Variants in TNF observed in about 807,000 individuals in gnomAD.
TNF encodes tumor necrosis factor.
In TNF, 7 loss-of-function variants were observed where a neutral mutation model predicts 21.8. The ratio of observed to expected loss-of-function variants is 0.32; its 90% confidence interval spans 0.18 to 0.60. The LOEUF is 0.60. TNF is among the 20% of genes least tolerant of loss of function. The probability of loss-of-function intolerance (pLI) is 0.84; values close to 1 mark genes in which losing one functional copy is unlikely to be tolerated. For missense variants in TNF, 216 were observed against 296.6 expected, an observed-to-expected ratio of 0.73 and a Z score of 2.00; for synonymous variants, 123 against 130.2, an observed-to-expected ratio of 0.94 and a Z score of 0.38.
rs754639425 is a variant in TNF, at chr6:31,575,811, C to G, written c.70C>G (p.Pro24Ala). ...EEALPKKTGG[P>A]QGSRRCLFLS... is the part of the protein sequence containing the mutation. ...GGCGCTCCCCAAGAAGACAGGGGGGCCCCAGGGCTCCAGGCGGTGCTTGTT... is the reference window on the plus strand; with the variant it reads ...GGCGCTCCCCAAGAAGACAGGGGGGGCCCAGGGCTCCAGGCGGTGCTTGTT... Residue 24 changes from proline (P) to alanine (A), a missense_variant, in exon 1 of 4, where the codon CCC (proline) becomes GCC (alanine). Physicochemically the swap from Pro to Ala is conservative, Grantham distance 27. Coordinates refer to ENST00000449264, the MANE Select transcript of TNF (RefSeq NM_000594.4). This position sits in a 1 kb window ranked among gnomAD's most constrained non-coding sequence, Gnocchi z 6.2. 1.9e-6 allele frequency: 3 copies of G among 1,611,420 alleles called. No individual in the cohort carries two copies. Among genetic ancestry groups the G allele is most frequent in the South Asian group, 2.2e-5 (2 of 90,826 alleles).
intron 1 of TNF, 114 bp downstream of exon 1, chr6:31,576,041 G>C: frequency 8.8e-7 from 1 of 1,142,292 alleles, no homozygotes. Context: ...GGGATGGAGA[G>C]AAAAAAACGT....
In TNF at chr6:31,575,781, G is replaced by A. The variant is rs775506502; in HGVS notation, c.40G>A (p.Glu14Lys). 11 of 1,607,088 alleles carry A rather than the reference G, an allele frequency of 6.8e-6. No homozygotes were observed. Among genetic ancestry groups the A allele is most frequent in the South Asian group, 4.4e-5 (4 of 90,352 alleles). ...CATGATCCGGGACGTGGAGCTGGCCGAGGAGGCGCTCCCCAAGAAGACAGG... is the reference window on the plus strand; with the variant it reads ...CATGATCCGGGACGTGGAGCTGGCCAAGGAGGCGCTCCCCAAGAAGACAGG... ...ESMIRDVELAEEALPKKTGGP... is the reference protein window; with the variant it reads ...ESMIRDVELAKEALPKKTGGP... Residue 14 changes from glutamate (E) to lysine (K), a missense_variant, in exon 1 of 4, where the codon GAG (glutamate) becomes AAG (lysine). Physicochemically the swap from Glu to Lys is moderately conservative, Grantham distance 56. Coordinates refer to ENST00000449264, the MANE Select transcript of TNF (RefSeq NM_000594.4). This position sits in a 1 kb window ranked among gnomAD's most constrained non-coding sequence, Gnocchi z 6.2.
intron 3 of TNF, 58 bp downstream of exon 3, chr6:31,576,872 C>T: frequency 1.3e-6 from 2 of 1,588,200 alleles, no homozygotes; most frequent in African/African-American, 1.3e-5. Context: ...GGGATTGAAG[C>T]CCGGCTGATG....
In TNF at chr6:31,575,797, A is replaced by C. The variant is rs377338702; in HGVS notation, c.56A>C (p.Lys19Thr). 2 of 1,610,588 alleles carry C rather than the reference A, an allele frequency of 1.2e-6. No homozygotes were observed. Among genetic ancestry groups the C allele is most frequent in the African/African-American group, 1.3e-5 (1 of 74,658 alleles). The change falls in exon 1 of 4, where the codon AAG (lysine) becomes ACG (threonine). Residue 19 changes from lysine (K) to threonine (T), a missense_variant. Physicochemically the swap from Lys to Thr is moderately conservative, Grantham distance 78. This residue lies in a region of TNF where 118 missense variants were observed against 127.1 expected (regional missense o/e 0.93). Coordinates refer to ENST00000449264, the MANE Select transcript of TNF (RefSeq NM_000594.4). This position sits in a 1 kb window ranked among gnomAD's most constrained non-coding sequence, Gnocchi z 6.2. ...GAGCTGGCCGAGGAGGCGCTCCCCA[A>C]GAAGACAGGGGGGCCCCAGGGCTCC... ...DVELAEEALP[K>T]KTGGPQGSRR... is the part of the protein sequence containing the mutation.
At position 31,575,685 on chromosome 6, in the gene TNF, C is replaced by T. The variant is rs1562479547; in HGVS notation, c.-57C>T. On this transcript the variant is annotated 5_prime_UTR_variant, in exon 1 of 4. Coordinates refer to ENST00000449264, the MANE Select transcript of TNF (RefSeq NM_000594.4). This position sits in a 1 kb window ranked among gnomAD's most constrained non-coding sequence, Gnocchi z 6.2. ...CCCCTGACAAGCTGCCAGGCAGGTT[C>T]TCTTCCTCTCACATACTGACCCACG... 1 of 1,454,090 alleles carries T rather than the reference C, an allele frequency of 6.9e-7. No homozygotes were observed. The highest frequency in any genetic ancestry group is 1.4e-5 in the South Asian group (1 of 69,530). The allele number at this position is 1,454,090 out of a possible 1,614,324, so 90.1% of individuals were successfully genotyped here.
At position 31,575,628 on chromosome 6, in the gene TNF, C is replaced by A. The variant is rs1012980674; in HGVS notation, c.-114C>A. On this transcript the variant is annotated 5_prime_UTR_variant, in exon 1 of 4. Coordinates refer to ENST00000449264, the MANE Select transcript of TNF (RefSeq NM_000594.4). This position sits in a 1 kb window ranked among gnomAD's most constrained non-coding sequence, Gnocchi z 6.2. ...TAAGAGGGAGAGAAGCAACTACAGACCCCCCCTGAAAACAACCCTCAGACG... is the reference window on the plus strand; with the variant it reads ...TAAGAGGGAGAGAAGCAACTACAGAACCCCCCTGAAAACAACCCTCAGACG... 1.0e-6 allele frequency: 1 copy of A among 959,980 alleles called. No individual in the cohort carries two copies. The highest frequency in any genetic ancestry group is 1.5e-6 in the Non-Finnish European group (1 of 659,520). 59.5% of individuals were successfully genotyped at this position (959,980 alleles called of 1,614,324 possible). A position where few individuals can be genotyped will look rare whatever the true frequency, so the allele number is the denominator to read the frequency against.
chr6:31,576,807 T>C lies in TNF; in HGVS notation c.273T>C (p.His91=). 6.2e-7 allele frequency: 1 copy of C among 1,612,910 alleles called. No homozygotes were observed. Among genetic ancestry groups the C allele is most frequent in the Non-Finnish European group, 8.5e-7 (1 of 1,179,978 alleles). ...CCCCGAGTGACAAGCCTGTAGCCCA[T>C]GTTGTAGGTAAGAGCTCTGAGGATG... ...SRTPSDKPVA[H]VVANPQAEGQ... is the part of the protein sequence containing the mutation. The change falls in exon 3 of 4, where the codon CAT becomes CAC. Residue 91 remains histidine (H), a synonymous_variant. Transcript: ENST00000449264.
At position 31,576,524 on chromosome 6, in the gene TNF, T is replaced by G. The variant is rs1263923115; in HGVS notation, c.187-10T>G. 1 of 1,613,588 alleles carries G rather than the reference T, an allele frequency of 6.2e-7. No homozygotes were observed. The highest frequency in any genetic ancestry group is 8.5e-7 in the Non-Finnish European group (1 of 1,179,846). Reference sequence around the variant, plus strand: ...CCCTCGATGTTAACCATTCTCCTTCTCCCCAACAGTTCCCCAGGGACCTCT... The same window carrying G: ...CCCTCGATGTTAACCATTCTCCTTCGCCCCAACAGTTCCCCAGGGACCTCT... On this transcript the variant is annotated splice_polypyrimidine_tract_variant and intron_variant, in intron 1 of 3. Transcript: ENST00000449264.
rs1771228767 is a variant in TNF, at chr6:31,577,255, C to T, written c.420C>T (p.Phe140=). 1 of 1,613,188 alleles carries T rather than the reference C, an allele frequency of 6.2e-7. No homozygotes were observed. The highest frequency in any genetic ancestry group is 1.1e-5 in the South Asian group (1 of 91,086). The change falls in exon 4 of 4, where the codon TTC becomes TTT. Residue 140 remains phenylalanine (F), a synonymous_variant. Transcript: ENST00000449264. This position sits in a 1 kb window ranked among gnomAD's most constrained non-coding sequence, Gnocchi z 7.7. ...GLYLIYSQVL[F]KGQGCPSTHV... is the part of the protein sequence containing the mutation. ...ACCTCATCTACTCCCAGGTCCTCTT[C>T]AAGGGCCAAGGCTGCCCCTCCACCC...
rs1228642585 is a variant in TNF, at chr6:31,578,194, T to C, written c.*657T>C. 1 of 152,260 alleles carries C rather than the reference T, an allele frequency of 6.6e-6. No homozygotes were observed. Among genetic ancestry groups the C allele is most frequent in the African/African-American group, 2.4e-5 (1 of 41,466 alleles). The allele number at this position is 152,260 out of a possible 1,614,324, so 9.4% of individuals were successfully genotyped here. On this transcript the variant is annotated 3_prime_UTR_variant, in exon 4 of 4. Coordinates refer to ENST00000449264, the MANE Select transcript of TNF (RefSeq NM_000594.4). This position sits in a 1 kb window ranked among gnomAD's most constrained non-coding sequence, Gnocchi z 6.0. Reference sequence around the variant, plus strand: ...CTTCTTTTGATTATGTTTTTTAAAATATTTATCTGATTAAGTTGTCTAAAC... The same window carrying C: ...CTTCTTTTGATTATGTTTTTTAAAACATTTATCTGATTAAGTTGTCTAAAC...
chr6:31,577,592 A>G lies in TNF; in HGVS notation c.*55A>G. The G allele has an allele frequency of 6.2e-7, 1 of 1,601,108 alleles. No homozygotes were observed. The highest frequency in any genetic ancestry group is 8.5e-7 in the Non-Finnish European group (1 of 1,171,298). On this transcript the variant is annotated 3_prime_UTR_variant, in exon 4 of 4. Transcript: ENST00000449264. This position sits in a 1 kb window ranked among gnomAD's most constrained non-coding sequence, Gnocchi z 7.7. ...CCTCCCCTGCCCCAATCCCTTTATT[A>G]CCCCCTCCTTCAGACACCCTCAACC...
chr6:31,577,460 A>G lies in TNF; in HGVS notation c.625A>G (p.Ser209Gly). 1.2e-6 allele frequency: 2 copies of G among 1,613,132 alleles called. No individual in the cohort carries two copies. The highest frequency in any genetic ancestry group is 1.7e-6 in the Non-Finnish European group (2 of 1,180,042). Residue 209 changes from serine to glycine, a missense_variant, in exon 4 of 4, where the codon AGC becomes GGC. Physicochemically the swap from Ser to Gly is moderately conservative, Grantham distance 56. This residue lies in a region of TNF where 98 missense variants were observed against 169.6 expected (regional missense o/e 0.58). Coordinates refer to ENST00000449264, the MANE Select transcript of TNF (RefSeq NM_000594.4). This position sits in a 1 kb window ranked among gnomAD's most constrained non-coding sequence, Gnocchi z 7.7. The part of the protein sequence containing the change: ...VFQLEKGDRL[S>G]AEINRPDYLD... ...CCAGCTGGAGAAGGGTGACCGACTC[A>G]GCGCTGAGATCAATCGGCCCGACTA...
At chr6:31,576,721 AG>A in intron 2 of TNF, 45 bp from the exon 3 acceptor site, 6 of 1,610,964 alleles carry the variant, frequency 3.7e-6, no homozygotes, top group Non-Finnish European at 5.1e-6. Context: ...GGTATTTTCT[AG>A]GAAGTTTAAG....
At position 31,577,196 on chromosome 6, in the gene TNF, G is replaced by A. The variant is rs1298153213; in HGVS notation, c.361G>A (p.Asp121Asn). The change falls in exon 4 of 4, where the codon GAT becomes AAT. Residue 121 changes from aspartate to asparagine, a missense_variant. Coordinates refer to ENST00000449264, the MANE Select transcript of TNF (RefSeq NM_000594.4). This position sits in a 1 kb window ranked among gnomAD's most constrained non-coding sequence, Gnocchi z 7.7. Reference protein sequence around the residue: ...ALLANGVELRDNQLVVPSEGL... With the variant: ...ALLANGVELRNNQLVVPSEGL... ...CCTGGCCAATGGCGTGGAGCTGAGAGATAACCAGCTGGTGGTGCCATCAGA... is the reference window on the plus strand; with the variant it reads ...CCTGGCCAATGGCGTGGAGCTGAGAAATAACCAGCTGGTGGTGCCATCAGA... 2 of 1,612,974 alleles carry A rather than the reference G, an allele frequency of 1.2e-6. No homozygotes were observed. Among genetic ancestry groups the A allele is most frequent in the Admixed American group, 3.3e-5 (2 of 60,008 alleles).
rs1288613011 is a variant in TNF at position 31,575,761 on chromosome 6, T to C, written c.20T>C (p.Ile7Thr). The C allele has an allele frequency of 3.7e-6, 6 of 1,600,044 alleles. No individual in the cohort carries two copies. The highest frequency in any genetic ancestry group is 1.3e-5 in the African/African-American group (1 of 74,304). Residue 7 changes from isoleucine (I) to threonine (T), a missense_variant, in exon 1 of 4, where the codon ATC becomes ACC. Physicochemically the swap from Ile to Thr is moderately conservative, Grantham distance 89 (BLOSUM62 -1). This residue lies in a region of TNF where 118 missense variants were observed against 127.1 expected (regional missense o/e 0.93). Transcript: ENST00000449264. The surrounding 1 kb of genome is among the most constrained non-coding windows in gnomAD (Gnocchi z 6.2). Reference sequence around the variant, plus strand: ...GACACCATGAGCACTGAAAGCATGATCCGGGACGTGGAGCTGGCCGAGGAG... The same window carrying C: ...GACACCATGAGCACTGAAAGCATGACCCGGGACGTGGAGCTGGCCGAGGAG... MSTESMIRDVELAEEAL... is the reference protein window; with the variant it reads MSTESMTRDVELAEEAL...
At chr6:31,576,602 C>A in intron 2 of TNF, 23 bp downstream of exon 2, 1 of 1,611,506 alleles carries the variant, frequency 6.2e-7, no homozygotes, top group Non-Finnish European at 8.5e-7. Context: ...AAACCTCTTT[C>A]CTAATTCTGG....
chr6:31,577,259 G>A lies in TNF; in HGVS notation c.424G>A (p.Gly142Ser), dbSNP rs1454071630. ...YLIYSQVLFK[G>S]QGCPSTHVLL... ...CATCTACTCCCAGGTCCTCTTCAAG[G>A]GCCAAGGCTGCCCCTCCACCCATGT... The change falls in exon 4 of 4, where the codon GGC becomes AGC. Residue 142 changes from glycine to serine, a missense_variant. Gly to Ser is a moderately conservative substitution (Grantham distance 56). Transcript: ENST00000449264. This position sits in a 1 kb window ranked among gnomAD's most constrained non-coding sequence, Gnocchi z 7.7. 2 of 1,613,046 alleles carry A rather than the reference G, an allele frequency of 1.2e-6. No individual in the cohort carries two copies. The highest frequency in any genetic ancestry group is 1.7e-6 in the Non-Finnish European group (2 of 1,180,036).
At chr6:31,576,195 C>CAGATAT (rs915287423) in intron 1 of TNF, among the ~76,000 whole-genome samples, 1 of 151,714 alleles carries the variant, frequency 6.6e-6, no homozygotes, top group Non-Finnish European at 1.5e-5. Context: ...AATGAACAAG[C>CAGATAT]AGATATATAA....
rs1249049547 is a variant in TNF at position 31,577,253 on chromosome 6, T to C, written c.418T>C (p.Phe140Leu). Residue 140 changes from phenylalanine (F) to leucine (L), a missense_variant, in exon 4 of 4, where the codon TTC (phenylalanine) becomes CTC (leucine). Phe to Leu is a conservative substitution (Grantham distance 22). Around this residue, in one of 2 missense-constraint regions of TNF, gnomAD observed 98 missense variants for 169.6 expected, o/e 0.58. Coordinates refer to ENST00000449264, the MANE Select transcript of TNF (RefSeq NM_000594.4). This position sits in a 1 kb window ranked among gnomAD's most constrained non-coding sequence, Gnocchi z 7.7. Reference protein sequence around the residue: ...GLYLIYSQVLFKGQGCPSTHV... With the variant: ...GLYLIYSQVLLKGQGCPSTHV... ...GTACCTCATCTACTCCCAGGTCCTC[T>C]TCAAGGGCCAAGGCTGCCCCTCCAC... 6.2e-7 allele frequency: 1 copy of C among 1,613,148 alleles called. No individual in the cohort carries two copies. Among genetic ancestry groups the C allele is most frequent in the Non-Finnish European group, 8.5e-7 (1 of 1,180,022 alleles).
Sources: allele counts gnomAD v4.1 joint callset (sites outside exome capture counted in the v4.1 genomes callset), GRCh38; gene constraint gnomAD v4.1.1; regional missense constraint gnomAD v4.1.1; non-coding constraint Gnocchi (gnomAD v3.1); transcripts MANE v1.5; gene names NCBI Gene and HGNC (gene_info 2026-07-23, HGNC 2026-07-21).